The following TUT1 variants were observed in gnomAD, a reference collection of about 807,000 sequenced individuals.
The protein encoded by TUT1 is terminal uridylyl transferase 1, U6 snRNA-specific, also known as speckle targeted PIP5K1A-regulated poly(A) polymerase.
A neutral mutation model predicts 48.8 loss-of-function variants in TUT1; 26 were observed. The observed-to-expected ratio is 0.53, with a 90% CI of 0.39 to 0.74. TUT1 has a LOEUF of 0.74. Ranked by LOEUF, TUT1 falls within the 30% of genes least tolerant of loss-of-function variation. The pLI, the probability that TUT1 is intolerant of heterozygous loss-of-function variation, is 0.00. For missense variants in TUT1, 1,065 were observed against 1,114.8 expected (o/e 0.96, Z 0.64); for synonymous variants, 470 against 460.8 (o/e 1.02, Z -0.26).
rs1177315603 is a variant in TUT1, at chr11:62,578,832, C to T, written c.889G>A (p.Glu297Lys). The change falls in exon 5 of 9, where the codon GAG (glutamate) becomes AAG (lysine). Residue 297 changes from glutamate to lysine, a missense_variant. Coordinates refer to ENST00000476907, the MANE Select transcript of TUT1 (RefSeq NM_022830.3). ...PQTPDSALAS[E>K]TLASPQSLPP... is the part of the protein sequence containing the mutation. ...AGAGACTGGGGAGAAGCAAGGGTCTCGGAGGCCAAGGCAGAGTCCGGAGTT... is the reference window on the plus strand; with the variant it reads ...AGAGACTGGGGAGAAGCAAGGGTCTTGGAGGCCAAGGCAGAGTCCGGAGTT... The T allele has an allele frequency of 3.7e-6, 6 of 1,613,798 alleles. No individual in the cohort carries two copies. In the Admixed American group the frequency reaches 8.3e-5, roughly 22 times the overall value.
chr11:62,575,995 C>T lies in TUT1; in HGVS notation c.1724G>A (p.Arg575Gln), dbSNP rs765502633. Residue 575 changes from arginine to glutamine, a missense_variant, in exon 9 of 9, where the codon CGA becomes CAA. By Grantham distance (43) the Arg-to-Gln change is conservative (BLOSUM62 1). Transcript: ENST00000476907. ...GGAACGGCGCTGGTACTGGAGGCTT[C>T]GGCAGTAATTGGCTGCTGCTCGGCA... is the stretch of plus-strand genomic sequence containing the variant. ...NCCRAAANYC[R>Q]SLQYQRRSSR... 4.7e-5 allele frequency: 76 copies of T among 1,613,924 alleles called. No individual in the cohort carries two copies. The East Asian group carries it at 1.5e-3, about 32-fold the overall frequency.
rs777711132 is a variant in TUT1 at position 62,578,615 on chromosome 11, A to G, written c.1106T>C (p.Val369Ala). The change falls in exon 5 of 9, where the codon GTC becomes GCC. Residue 369 changes from valine to alanine, a missense_variant. Coordinates refer to ENST00000476907, the MANE Select transcript of TUT1 (RefSeq NM_022830.3). Reference protein sequence around the residue: ...QTVPSARRPVVKFCHRPSGLH... With the variant: ...QTVPSARRPVAKFCHRPSGLH... ...ACCTGAAGGCCGATGACAGAACTTG[A>G]CCACAGGGCGCCGGGCAGAGGGCAC... 14 of 1,613,844 alleles carry G rather than the reference A, an allele frequency of 8.7e-6. No homozygotes were observed. The highest frequency in any genetic ancestry group is 6.6e-5 in the South Asian group (6 of 91,028).
intron 5 of TUT1, among the ~76,000 whole-genome samples, chr11:62,578,294 C>A (rs568305209): frequency 1.3e-5 from 2 of 152,214 alleles, no homozygotes; most frequent in South Asian, 4.1e-4. Flanking sequence ...CGCCTGTAGT[C>A]CCCGCACTTT....
rs777034785 is a variant in TUT1, at chr11:62,589,029, ACCTTGT to A, written c.269_273+1del. The A allele has an allele frequency of 6.2e-7, 1 of 1,612,940 alleles. No individual in the cohort carries two copies. Among genetic ancestry groups the A allele is most frequent in the Admixed American group, 1.7e-5 (1 of 59,996 alleles). On this transcript the variant is annotated splice_donor_variant and coding_sequence_variant, in exon 2 of 9. Coordinates refer to ENST00000476907, the MANE Select transcript of TUT1 (RefSeq NM_022830.3). LOFTEE classifies it high-confidence loss of function. ...CTTTAACCCGAGAGCCATTCACTTTACCTTGTCCTTGTCCATGACAACACTGGCCAC... is the reference window on the plus strand; with the variant it reads ...CTTTAACCCGAGAGCCATTCACTTTACCTTGTCCATGACAACACTGGCCAC...
intron 2 of TUT1, among the ~76,000 whole-genome samples, chr11:62,585,432 A>C (rs1399752774): frequency 6.6e-6 from 1 of 152,222 alleles, no homozygotes; most frequent in Non-Finnish European, 1.5e-5. Flanking sequence ...TTGTAACCAA[A>C]GCCCCAGATG....
intron 1 of TUT1, among the ~76,000 whole-genome samples, chr11:62,591,120 T>G (rs1241523654): frequency 1.4e-5 from 2 of 145,242 alleles, no homozygotes; most frequent in East Asian, 2.0e-4. Context: ...ACCCTAAAGA[T>G]CAGCAGAATA....
At chr11:62,588,987 C>A (rs1187141584) in intron 2 of TUT1, 44 bp downstream of exon 2, 1 of 1,580,358 alleles carries the variant, frequency 6.3e-7, no homozygotes, top group Non-Finnish European at 8.7e-7. Flanking sequence ...AGCCATCGCG[C>A]CCAGCACTGA....
chr11:62,579,257 A>G lies in TUT1; in HGVS notation c.691-227T>C, dbSNP rs560399540. 1.1e-4 allele frequency among the ~76,000 whole-genome samples: 16 copies of G among 152,352 alleles called. No homozygotes were observed. In the South Asian group the frequency reaches 3.1e-3, roughly 30 times the overall value. ...TGTCATTGTCGTGAAAGACAAAAAC[A>G]GAGGAACTATTACAGACGAAAGAGA... On this transcript the variant is annotated intron_variant, in intron 4 of 8. Transcript: ENST00000476907.
intron 5 of TUT1, among the ~76,000 whole-genome samples, chr11:62,577,603 A>T (rs1941750885): frequency 1.3e-5 from 2 of 148,592 alleles, no homozygotes; most frequent in African/African-American, 4.9e-5. Context: ...AAAAAAAAAG[A>T]CTGCCCAGAG....
intron 7 of TUT1, 74 bp downstream of exon 7, chr11:62,576,833 T>C (rs911413984): frequency 4.4e-6 from 7 of 1,592,016 alleles, no homozygotes; most frequent in South Asian, 2.2e-5. Context: ...ACAGAGCTGC[T>C]TGGTGTATCT....
chr11:62,576,749 C>G lies in TUT1; in HGVS notation c.1382G>C (p.Gly461Ala), dbSNP rs1941735704. Residue 461 changes from glycine to alanine, a missense_variant and splice_region_variant, in exon 8 of 9, where the codon GGA (glycine) becomes GCA (alanine). Transcript: ENST00000476907. ...PTVSQLTQKA[G>A]EGEQVEVDGW... ...ATCGACTTCCACCTGTTCCCCCTCT[C>G]CTGTGAAAGTAAATAAGGTGAGAGT... 15 of 1,614,118 alleles carry G rather than the reference C, an allele frequency of 9.3e-6. No homozygotes were observed. The highest frequency in any genetic ancestry group is 1.3e-5 in the Non-Finnish European group (15 of 1,180,022).
In TUT1 at chr11:62,575,648, C is replaced by T; in HGVS notation, c.2071G>A (p.Glu691Lys). 2 of 1,614,208 alleles carry T rather than the reference C, an allele frequency of 1.2e-6. No homozygotes were observed. The highest frequency in any genetic ancestry group is 1.6e-4 in the Middle Eastern group (1 of 6,062). ...ATCTCTCCAACCTCTATAACCATCT[C>T]TTCTACCCTGTCTTCCCCACCGTCC... is the stretch of plus-strand genomic sequence containing the variant. ...AGDGGEDRVE[E>K]MVIEVGEMVQ... Residue 691 changes from glutamate to lysine, a missense_variant, in exon 9 of 9, where the codon GAG (glutamate) becomes AAG (lysine). Transcript: ENST00000476907.
chr11:62,575,803 G>A lies in TUT1; in HGVS notation c.1916C>T (p.Thr639Ile), dbSNP rs367551842. Residue 639 changes from threonine to isoleucine, a missense_variant, in exon 9 of 9, where the codon ACC becomes ATC. Thr to Ile is a moderately conservative substitution (Grantham distance 89). Transcript: ENST00000476907. ...ACCTCCTTCTGACCGCGTTCTCTTG[G>A]TTGCCTGTTCTATATGGCACCCCAG... is the stretch of plus-strand genomic sequence containing the variant. The part of the protein sequence containing the change: ...EALGCHIEQA[T>I]KRTRSEGGGT... 2 of 1,614,112 alleles carry A rather than the reference G, an allele frequency of 1.2e-6. No homozygotes were observed. The highest frequency in any genetic ancestry group is 1.7e-6 in the Non-Finnish European group (2 of 1,180,022).
chr11:62,583,338 G>A (rs1006007227), intron 2 of TUT1, among the ~76,000 whole-genome samples: 10 of 151,976 alleles, frequency 6.6e-5, no homozygotes, highest in African/African-American at 2.2e-4. Flanking sequence ...AACGCCGGGC[G>A]CAGTAGCTCA....
intron 2 of TUT1, among the ~76,000 whole-genome samples, chr11:62,584,436 T>C (rs1410196360): frequency 6.7e-6 from 1 of 150,140 alleles, no homozygotes; most frequent in Non-Finnish European, 1.5e-5. Context: ...CCCTAAATTG[T>C]ATACTTTTTT....
rs373691366 is a variant in TUT1, at chr11:62,581,498, C to A, written c.477G>T (p.Val159=). ...CCACAAGCTTTATCATTTGTGCCCC[C>A]ACGTCTGCAGCCTCAGCTAGCGCTT... ...LAKALAEAAD[V]GAQMIKLVGL... is the part of the protein sequence containing the mutation. The change falls in exon 3 of 9, where the codon GTG becomes GTT. Residue 159 remains valine, a synonymous_variant. Transcript: ENST00000476907. 1.8e-5 allele frequency: 29 copies of A among 1,614,212 alleles called. No homozygotes were observed. The highest frequency in any genetic ancestry group is 1.2e-4 in the South Asian group (11 of 91,082).
chr11:62,577,006 G>C lies in TUT1; in HGVS notation c.1282C>G (p.Leu428Val). The C allele has an allele frequency of 6.2e-7, 1 of 1,613,966 alleles. No homozygotes were observed. The highest frequency in any genetic ancestry group is 8.5e-7 in the Non-Finnish European group (1 of 1,179,950). The change falls in exon 7 of 9, where the codon CTT becomes GTT. Residue 428 changes from leucine (L) to valine (V), a missense_variant. Leu to Val is a conservative substitution (Grantham distance 32). Transcript: ENST00000476907. ...QGRGLSGSGP[L>V]LSNYALTLLV... Reference sequence around the variant, plus strand: ...AAGGTCAGGGCGTAGTTACTGAGAAGGGGGCCACTCCCTGGGTAAATAAGC... The same window carrying C: ...AAGGTCAGGGCGTAGTTACTGAGAACGGGGCCACTCCCTGGGTAAATAAGC...
At chr11:62,576,864 A>G in intron 7 of TUT1, 43 bp downstream of exon 7, 1 of 1,603,548 alleles carries the variant, frequency 6.2e-7, no homozygotes, top group Non-Finnish European at 8.5e-7. Context: ...AAGAAGAGAG[A>G]GGAAACTAAC....
intron 6 of TUT1, 34 bp from the exon 7 acceptor site, chr11:62,577,051 GA>G: frequency 6.2e-7 from 1 of 1,606,022 alleles, no homozygotes; most frequent in Non-Finnish European, 8.5e-7. Context: ...GGTTAGATCA[GA>G]GGTGCTTCTA....
Sources: allele counts gnomAD v4.1 joint callset (sites outside exome capture counted in the v4.1 genomes callset), GRCh38; gene constraint gnomAD v4.1.1; transcripts MANE v1.5; gene names NCBI Gene and HGNC (gene_info 2026-07-23, HGNC 2026-07-21).